The following EBF2 variants were observed in gnomAD, a reference collection of about 807,000 sequenced individuals.
EBF2 encodes the protein transcription factor COE2.
EBF2 carries 21 observed loss-of-function variants against 72.8 expected under a neutral mutation model. The observed-to-expected ratio is 0.29, with a 90% CI of 0.20 to 0.42. EBF2 has a LOEUF of 0.42. EBF2 is among the 10% of genes least tolerant of loss of function. The pLI is 1.00. For synonymous variants in EBF2, 299 were observed against 274.2 expected (o/e 1.09, Z -0.89); for missense variants, 637 against 731.2 (o/e 0.87, Z 1.49).
In EBF2 at chr8:25,854,002, G is replaced by C. The variant is rs555483014; in HGVS notation, c.1529-3241C>G. 4.6e-5 allele frequency among the ~76,000 whole-genome samples: 7 copies of C among 152,134 alleles called. No homozygotes were observed. The South Asian group carries it at 1.2e-3, about 27-fold the overall frequency. ...TTAAATGTATTGCTTTCACTTGTCCGTATCTTCAAAGTTTTCTACAACAAA... is the reference window on the plus strand; with the variant it reads ...TTAAATGTATTGCTTTCACTTGTCCCTATCTTCAAAGTTTTCTACAACAAA... On this transcript the variant is annotated intron_variant, in intron 14 of 15. Coordinates refer to ENST00000520164, the MANE Select transcript of EBF2 (RefSeq NM_022659.4).
intron 6 of EBF2, among the ~76,000 whole-genome samples, chr8:26,030,806 A>G (rs999374962): frequency 1.3e-5 from 2 of 152,230 alleles, no homozygotes; most frequent in African/African-American, 4.8e-5. Context: ...CATAAAACTC[A>G]TAATCTGCAG....
At chr8:25,914,103 T>G (rs1299658441) in intron 6 of EBF2, among the ~76,000 whole-genome samples, 1 of 152,176 alleles carries the variant, frequency 6.6e-6, no homozygotes, top group African/African-American at 2.4e-5. Flanking sequence ...ATCCAAGCTC[T>G]CACACCAGAC....
intron 7 of EBF2, among the ~76,000 whole-genome samples, chr8:25,906,662 G>T (rs762157563): frequency 4.6e-5 from 7 of 152,128 alleles, no homozygotes; most frequent in Admixed American, 3.3e-4. Flanking sequence ...AGCTACTCAG[G>T]AGGGTGAGGC....
At chr8:25,994,599 T>C (rs79078917) in intron 6 of EBF2, among the ~76,000 whole-genome samples, 1 of 152,306 alleles carries the variant, frequency 6.6e-6, no homozygotes, top group Admixed American at 6.5e-5. Flanking sequence ...TGGAATACTA[T>C]GCAGCCATGA....
chr8:26,044,126 ACTGTTTTATCTTTGAGCCGGGACC>A lies in EBF2; in HGVS notation c.131+579_131+602del, dbSNP rs1805658252. On this transcript the variant is annotated intron_variant, in intron 1 of 15. Coordinates refer to ENST00000520164, the MANE Select transcript of EBF2 (RefSeq NM_022659.4). This position sits in a 1 kb window ranked among gnomAD's most constrained non-coding sequence, Gnocchi z 4.1. ...TTCCCTAGCTCCGTTCGTCTGGCTC[ACTGTTTTATCTTTGAGCCGGGACC>A]CTCCAGCCTGTCCCCCCTCCCAGAG... Among the ~76,000 whole-genome samples the A allele has an allele frequency of 6.6e-6, 1 of 151,948 alleles. No individual in the cohort carries two copies. Among genetic ancestry groups the A allele is most frequent in the Non-Finnish European group, 1.5e-5 (1 of 67,988 alleles).
At chr8:25,951,802 C>T (rs1803866672) in intron 6 of EBF2, among the ~76,000 whole-genome samples, 1 of 152,042 alleles carries the variant, frequency 6.6e-6, no homozygotes, top group Non-Finnish European at 1.5e-5. Flanking sequence ...TGGAAAAGCA[C>T]AGAAAGGAAA....
At chr8:25,885,818 T>C (rs1802680936) in intron 10 of EBF2, among the ~76,000 whole-genome samples, 1 of 152,194 alleles carries the variant, frequency 6.6e-6, no homozygotes, top group African/African-American at 2.4e-5. Context: ...CTCTTTTTCT[T>C]TAAAAATTAC....
Position 25,858,017 on chromosome 8 carries a change from T to C in EBF2, c.1528+302A>G, listed in dbSNP as rs1340680814. On this transcript the variant is annotated intron_variant, in intron 14 of 15. Transcript: ENST00000520164. ...CTGAAAGTGCCTAAGAGCACACATA[T>C]TGTTAACAGAAATGGAATCTTAATT... 7.6e-6 allele frequency: 4 copies of C among 525,146 alleles called. No homozygotes were observed. The Admixed American group carries it at 9.3e-5, about 12-fold the overall frequency. 32.5% of individuals were successfully genotyped at this position (525,146 alleles called of 1,614,324 possible). A position where few individuals can be genotyped will look rare whatever the true frequency, so the allele number is the denominator to read the frequency against.
chr8:25,891,971 A>G (rs1460404149), intron 7 of EBF2, among the ~76,000 whole-genome samples: 2 of 152,176 alleles, frequency 1.3e-5, no homozygotes, highest in African/African-American at 4.8e-5. Context: ...AGGATAGCAT[A>G]ATGAATCCCC....
At chr8:25,945,685 G>A (rs1803757861) in intron 6 of EBF2, among the ~76,000 whole-genome samples, 1 of 151,696 alleles carries the variant, frequency 6.6e-6, no homozygotes, top group Admixed American at 6.6e-5. Context: ...TCCTTTGAAT[G>A]TCCCTGAATA....
intron 6 of EBF2, among the ~76,000 whole-genome samples, chr8:26,021,702 A>G (rs1342525348): frequency 6.6e-6 from 1 of 152,254 alleles, no homozygotes; most frequent in Non-Finnish European, 1.5e-5. Flanking sequence ...TACTAAAAAA[A>G]TCATTCATGT....
Position 26,044,784 on chromosome 8 carries a change from C to T in EBF2, c.76G>A (p.Val26Ile), listed in dbSNP as rs1438489195. 3.1e-6 allele frequency: 5 copies of T among 1,614,042 alleles called. No homozygotes were observed. Among genetic ancestry groups the T allele is most frequent in the Non-Finnish European group, 4.2e-6 (5 of 1,180,044 alleles). ...EKSLGAEMDS[V>I]RSWVRNVGVV... The stretch of plus-strand genomic sequence containing the variant: ...CCGACATTCCGGACCCAGGACCTGA[C>T]CGAATCCATCTCCGCGCCCAGCGAT... Residue 26 changes from valine (V) to isoleucine (I), a missense_variant, in exon 1 of 16, where the codon GTC (valine) becomes ATC (isoleucine). By Grantham distance (29) the Val-to-Ile change is conservative. Coordinates refer to ENST00000520164, the MANE Select transcript of EBF2 (RefSeq NM_022659.4). The surrounding 1 kb of genome is among the most constrained non-coding windows in gnomAD (Gnocchi z 4.1).
intron 6 of EBF2, among the ~76,000 whole-genome samples, chr8:25,947,044 TC>T (rs1182441441): frequency 6.6e-6 from 1 of 152,152 alleles, no homozygotes; most frequent in East Asian, 1.9e-4. Flanking sequence ...CTGATAATGG[TC>T]CCCTAGTTTT....
intron 6 of EBF2, among the ~76,000 whole-genome samples, chr8:25,995,108 C>T (rs565702533): frequency 2.0e-5 from 3 of 152,038 alleles, no homozygotes; most frequent in African/African-American, 7.2e-5. Context: ...GAGTTCGAGA[C>T]CAGCCTGACC....
In EBF2 at chr8:25,908,560, G is replaced by A. The variant is rs371750006; in HGVS notation, c.552-5C>T. 2.5e-6 allele frequency: 4 copies of A among 1,588,924 alleles called. No individual in the cohort carries two copies. The highest frequency in any genetic ancestry group is 3.4e-6 in the Non-Finnish European group (4 of 1,160,816). ...AGGAAAAATTTTAAAAAGAATCTGT[G>A]AAGAGAAAGCGATGTGTTACATTTT... On this transcript the variant is annotated splice_polypyrimidine_tract_variant and splice_region_variant and intron_variant, in intron 6 of 15. Coordinates refer to ENST00000520164, the MANE Select transcript of EBF2 (RefSeq NM_022659.4).
intron 6 of EBF2, among the ~76,000 whole-genome samples, chr8:26,030,570 TA>T (rs969166114): frequency 1.9e-3 from 273 of 144,796 alleles, no homozygotes; most frequent in Non-Finnish European, 1.8e-3. Flanking sequence ...AAATTTCAAT[TA>T]AAAAAAAAAA....
rs1805660426 is a variant in EBF2 at position 26,044,201 on chromosome 8, C to CAGCCGCTCCGGCTTT, written c.131+513_131+527dup. Among the ~76,000 whole-genome samples, 1 of 152,214 alleles carries CAGCCGCTCCGGCTTT rather than the reference C, an allele frequency of 6.6e-6. No individual in the cohort carries two copies. The highest frequency in any genetic ancestry group is 6.5e-5 in the Admixed American group (1 of 15,292). On this transcript the variant is annotated intron_variant, in intron 1 of 15. Coordinates refer to ENST00000520164, the MANE Select transcript of EBF2 (RefSeq NM_022659.4). This position sits in a 1 kb window ranked among gnomAD's most constrained non-coding sequence, Gnocchi z 4.1. ...CTCCCGGCCGCCTCGTCTTCCCGGG[C>CAGCCGCTCCGGCTTT]AGCCGCTCCGGCTTTTCCCGCTCCC...
At chr8:26,014,782 G>A (rs1805080851) in intron 6 of EBF2, among the ~76,000 whole-genome samples, 1 of 152,128 alleles carries the variant, frequency 6.6e-6, no homozygotes, top group Admixed American at 6.5e-5. Context: ...ATATTTCCCT[G>A]ATCTTTCATG....
intron 6 of EBF2, among the ~76,000 whole-genome samples, chr8:25,913,705 G>T (rs1423455389): frequency 6.6e-6 from 1 of 152,128 alleles, no homozygotes; most frequent in Non-Finnish European, 1.5e-5. Context: ...TGCTGTATCT[G>T]GTTCTCTTTC....
Sources: gnomAD v4.1 joint callset for allele counts (sites outside exome capture counted in the v4.1 genomes callset) on GRCh38, gnomAD v4.1.1 for gene constraint, Gnocchi (gnomAD v3.1) non-coding constraint, MANE v1.5 for transcripts, NCBI Gene and HGNC (gene_info 2026-07-23, HGNC 2026-07-21) for gene names.